The following EML1 variants were observed in gnomAD, a reference collection of about 807,000 sequenced individuals.
The protein encoded by EML1 is echinoderm microtubule-associated protein-like 1.
EML1 carries 27 observed loss-of-function variants against 110.4 expected under a neutral mutation model. The observed-to-expected ratio is 0.24, with a 90% CI of 0.18 to 0.34. EML1 has a LOEUF of 0.34. EML1 is among the 10% of genes least tolerant of loss of function. EML1 has a pLI of 1.00. For missense variants in EML1, 741 were observed against 1,030.9 expected (o/e 0.72, Z 3.85); for synonymous variants, 344 against 385.8 (o/e 0.89, Z 1.27).
Position 99,901,046 on chromosome 14 carries a change from A to T in EML1, c.1008+7A>T. Reference sequence around the variant, plus strand: ...TATTGCATTCTCAAAATCTGTAAGTATGTGCCCTGTGGATATTGCTGTCTT... The same window carrying T: ...TATTGCATTCTCAAAATCTGTAAGTTTGTGCCCTGTGGATATTGCTGTCTT... On this transcript the variant is annotated splice_region_variant and intron_variant, in intron 9 of 21. Coordinates refer to ENST00000262233, the MANE Select transcript of EML1 (RefSeq NM_004434.3). 1 of 1,609,490 alleles carries T rather than the reference A, an allele frequency of 6.2e-7. No individual in the cohort carries two copies.
rs775732883 is a variant in EML1 at position 99,940,186 on chromosome 14, T to G, written c.*74T>G. The G allele has an allele frequency of 3.6e-6, 5 of 1,376,364 alleles. No individual in the cohort carries two copies. The highest frequency in any genetic ancestry group is 4.7e-6 in the Non-Finnish European group (5 of 1,062,850). 85.3% of individuals were successfully genotyped at this position (1,376,364 alleles called of 1,614,324 possible). Reference sequence around the variant, plus strand: ...TCGCATTACCCTTGGTCACTGTGATTTCTGTTTTGTTTAAAAAATTCTTAC... The same window carrying G: ...TCGCATTACCCTTGGTCACTGTGATGTCTGTTTTGTTTAAAAAATTCTTAC... On this transcript the variant is annotated 3_prime_UTR_variant, in exon 22 of 22. Coordinates refer to ENST00000262233, the MANE Select transcript of EML1 (RefSeq NM_004434.3).
chr14:99,774,337 T>G, intron 1 of EML1, among the ~76,000 whole-genome samples: 1 of 152,134 alleles, frequency 6.6e-6, no homozygotes, highest in East Asian at 1.9e-4. Flanking sequence ...CTCACCACAT[T>G]GTTCTTAGGC....
chr14:99,770,090 C>T (rs747934005), upstream of EML1, among the ~76,000 whole-genome samples: 17 of 152,190 alleles, frequency 1.1e-4, no homozygotes, highest in Non-Finnish European at 1.8e-4. Flanking sequence ...CCCCATTTCC[C>T]CTAAGATAGT....
rs1435895454 is a variant in EML1, at chr14:99,827,871, G to C, written c.68-22982G>C. On this transcript the variant is annotated intron_variant, in intron 1 of 21. Transcript: ENST00000262233. This position sits in a 1 kb window ranked among gnomAD's most constrained non-coding sequence, Gnocchi z 4.4. ...TAGAGTGTGCAGACCCGCAGGCATG[G>C]GTCCCGTGAGCACCCAGCAGGGTGT... 6.6e-6 allele frequency among the ~76,000 whole-genome samples: 1 copy of C among 152,138 alleles called. No individual in the cohort carries two copies. The highest frequency in any genetic ancestry group is 1.5e-5 in the Non-Finnish European group (1 of 68,024).
At chr14:99,932,711 A>G (rs1461847858) in intron 17 of EML1, among the ~76,000 whole-genome samples, 1 of 152,084 alleles carries the variant, frequency 6.6e-6, no homozygotes, top group Non-Finnish European at 1.5e-5. Context: ...AACTCCTCGA[A>G]CCATGCACTT....
At chr14:99,860,199 C>T (rs1022965105) in intron 2 of EML1, among the ~76,000 whole-genome samples, 2 of 152,150 alleles carry the variant, frequency 1.3e-5, no homozygotes, top group Admixed American at 6.5e-5. Flanking sequence ...TCTCAGGCTC[C>T]TTTCATCTGA....
rs376340257 is a variant in EML1 at position 99,920,849 on chromosome 14, A to G, written c.1881A>G (p.Glu627=). The change falls in exon 17 of 22, where the codon GAA becomes GAG. Residue 627 remains glutamate (E), a synonymous_variant. Transcript: ENST00000262233. ...TCACCGTTCACACAGATGGAAACGAACAGCTCTCTGTAATGCGATACTCAC... is the reference window on the plus strand; with the variant it reads ...TCACCGTTCACACAGATGGAAACGAGCAGCTCTCTGTAATGCGATACTCAC... The part of the protein sequence containing the change: ...DLVTVHTDGN[E]QLSVMRYSPD... 1.2e-6 allele frequency: 2 copies of G among 1,613,874 alleles called. No individual in the cohort carries two copies. The highest frequency in any genetic ancestry group is 1.3e-5 in the African/African-American group (1 of 74,934).
chr14:99,825,427 C>G (rs1017291957), intron 1 of EML1, among the ~76,000 whole-genome samples: 1 of 152,102 alleles, frequency 6.6e-6, no homozygotes, highest in Non-Finnish European at 1.5e-5. Flanking sequence ...GATAGATACC[C>G]GGTAGTGGGA....
At chr14:99,914,335 ACT>A in intron 14 of EML1, 31 bp downstream of exon 14, 3 of 1,594,932 alleles carry the variant, frequency 1.9e-6, no homozygotes, top group African/African-American at 1.3e-5. Flanking sequence ...CCCGGCAAAC[ACT>A]CTCATTTTGC....
chr14:99,857,116 ACCGAAATTAG>A, intron 2 of EML1, among the ~76,000 whole-genome samples: 1 of 152,036 alleles, frequency 6.6e-6, no homozygotes, highest in East Asian at 1.9e-4. Flanking sequence ...TACAAAAAAT[ACCGAAATTAG>A]CCTTGTGTGA....
chr14:99,931,205 T>G (rs980814274), intron 17 of EML1, among the ~76,000 whole-genome samples: 3 of 152,216 alleles, frequency 2.0e-5, no homozygotes, highest in African/African-American at 7.2e-5. Context: ...ACACCATAGC[T>G]GCACGGCTGT....
At chr14:99,856,406 G>A (rs1197915416) in intron 2 of EML1, among the ~76,000 whole-genome samples, 2 of 151,766 alleles carry the variant, frequency 1.3e-5, no homozygotes, top group Non-Finnish European at 2.9e-5. Flanking sequence ...ACTATGTTAC[G>A]GTCTCTTCAC....
At position 99,933,612 on chromosome 14, in the gene EML1, G is replaced by C. The variant is rs553761020; in HGVS notation, c.1910-2417G>C. On this transcript the variant is annotated intron_variant, in intron 17 of 21. Coordinates refer to ENST00000262233, the MANE Select transcript of EML1 (RefSeq NM_004434.3). Reference sequence around the variant, plus strand: ...GTGCCCCTGGAGTCAGATTGCCTGGGTTTCAGCCAGTTTCAGGAAACCTGT... The same window carrying C: ...GTGCCCCTGGAGTCAGATTGCCTGGCTTTCAGCCAGTTTCAGGAAACCTGT... Among the ~76,000 whole-genome samples, 315 of 152,346 alleles carry C rather than the reference G, an allele frequency of 2.1e-3. 2 individuals carry two copies. Among genetic ancestry groups the C allele is most frequent in the African/African-American group, 7.1e-3 (294 of 41,572 alleles).
chr14:99,921,452 A>C (rs2060129261), intron 17 of EML1, among the ~76,000 whole-genome samples: 1 of 152,214 alleles, frequency 6.6e-6, no homozygotes, highest in African/African-American at 2.4e-5. Flanking sequence ...GTAAAATTTA[A>C]ATTAGACATG....
chr14:99,892,702 G>T (rs2059608190), intron 5 of EML1, among the ~76,000 whole-genome samples: 1 of 152,208 alleles, frequency 6.6e-6, no homozygotes, highest in African/African-American at 2.4e-5. Context: ...AAATTCTGCA[G>T]TAAGTAAGCT....
Position 99,936,467 on chromosome 14 carries a change from G to A in EML1, c.2095+133G>A, listed in dbSNP as rs142200564. 553 of 815,534 alleles carry A rather than the reference G, an allele frequency of 6.8e-4. 7 individuals carry two copies. The African/African-American group carries it at 8.3e-3, about 12-fold the overall frequency. 50.5% of individuals were successfully genotyped at this position (815,534 alleles called of 1,614,324 possible). On this transcript the variant is annotated intron_variant, in intron 19 of 21. Coordinates refer to ENST00000262233, the MANE Select transcript of EML1 (RefSeq NM_004434.3). The surrounding 1 kb of genome is among the most constrained non-coding windows in gnomAD (Gnocchi z 5.5). ...CCATCATCTCTAGGTCATGGTTTCC[G>A]CCTCTGTAACGTAGGGGAGTGGGGC...
chr14:99,763,935 C>T (rs1296187877), intron 1 of EML1, among the ~76,000 whole-genome samples: 1 of 152,188 alleles, frequency 6.6e-6, no homozygotes, highest in Non-Finnish European at 1.5e-5. Flanking sequence ...GGTTCATGAC[C>T]TGTGCAGGCT....
intron 7 of EML1, 91 bp downstream of exon 7, chr14:99,897,385 A>ATG: frequency 7.8e-7 from 1 of 1,279,690 alleles, no homozygotes; most frequent in Admixed American, 2.9e-5. Flanking sequence ...CCTGGGCAAC[A>ATG]GTGAAACCCT....
chr14:99,817,117 CA>C lies in EML1; in HGVS notation c.67+23577del, dbSNP rs561437398. On this transcript the variant is annotated intron_variant, in intron 1 of 21. Coordinates refer to ENST00000262233, the MANE Select transcript of EML1 (RefSeq NM_004434.3). ...TTCTTTCTTTTTTTTCTGGAAAGCT[CA>C]AATTTATCCTTGGCAGCAAATGCTG... Among the ~76,000 whole-genome samples, 431 of 152,168 alleles carry C rather than the reference CA, an allele frequency of 2.8e-3. 2 individuals carry two copies. The highest frequency in any genetic ancestry group is 9.6e-3 in the African/African-American group (399 of 41,552).
Sources: gnomAD v4.1 joint callset for allele counts (sites outside exome capture counted in the v4.1 genomes callset) on GRCh38, gnomAD v4.1.1 for gene constraint, Gnocchi (gnomAD v3.1) non-coding constraint, MANE v1.5 for transcripts, NCBI Gene and HGNC (gene_info 2026-07-23, HGNC 2026-07-21) for gene names.